The following NOTCH3 variants were observed in gnomAD, a reference collection of about 807,000 sequenced individuals.
The protein encoded by NOTCH3 is neurogenic locus notch homolog protein 3.
In NOTCH3, 86 loss-of-function variants were observed where a neutral mutation model predicts 213.3. The ratio of observed to expected loss-of-function variants is 0.40; its 90% CI spans 0.34 to 0.48. The LOEUF is 0.48. Ranked by LOEUF, NOTCH3 falls within the 20% of genes least tolerant of loss-of-function variation. NOTCH3 has a pLI of 0.57. For synonymous variants in NOTCH3, 1,354 were observed against 1,355.9 expected (o/e 1.00, Z 0.03); for missense variants, 2,783 against 3,272.6 (o/e 0.85, Z 3.65).
intron 1 of NOTCH3, among the ~76,000 whole-genome samples, chr19:15,200,068 C>A (rs1279599563): frequency 1.3e-5 from 2 of 150,336 alleles, no homozygotes; most frequent in African/African-American, 4.9e-5. Flanking sequence ...GGGCCCCTGG[C>A]CGGCTGGGGA....
chr19:15,170,345 G>A lies in NOTCH3; in HGVS notation c.5100C>T (p.Asp1700=), dbSNP rs776639004. 3.7e-6 allele frequency: 6 copies of A among 1,613,286 alleles called. No homozygotes were observed. The highest frequency in any genetic ancestry group is 4.5e-5 in the East Asian group (2 of 44,880). ...AGGGTTCTCACTTCATGCCCAGCGC[G>A]TCCTGGCCCACGGGTTCCCGCCGGC... is the stretch of plus-strand genomic sequence containing the variant. ...HKGRREPVGQ[D]ALGMKNMAKG... is the part of the protein sequence containing the mutation. The change falls in exon 27 of 33, where the codon GAC becomes GAT. Residue 1700 remains aspartate (D), a synonymous_variant. Transcript: ENST00000263388.
chr19:15,182,430 C>G (rs2046848500), intron 16 of NOTCH3, among the ~76,000 whole-genome samples: 1 of 151,650 alleles, frequency 6.6e-6, no homozygotes, highest in South Asian at 2.1e-4. Flanking sequence ...TCACTTGAGC[C>G]TGGGAGGTCA....
At chr19:15,195,876 C>T (rs1323373313) in intron 2 of NOTCH3, among the ~76,000 whole-genome samples, 2 of 151,680 alleles carry the variant, frequency 1.3e-5, no homozygotes, top group Admixed American at 1.3e-4. Context: ...AGCCCCAGCC[C>T]GCGCCCCGCC....
chr19:15,162,452 G>A lies in NOTCH3; in HGVS notation c.5913+13C>T, dbSNP rs780839292. 1 of 1,600,876 alleles carries A rather than the reference G, an allele frequency of 6.2e-7. No individual in the cohort carries two copies. Among genetic ancestry groups the A allele is most frequent in the African/African-American group, 1.3e-5 (1 of 74,630 alleles). ...CACTGCTGACACCCAGTGGACCAAG[G>A]GCTGGGGCTCACCTTGCTATCCTGC... On this transcript the variant is annotated intron_variant, in intron 32 of 32. Coordinates refer to ENST00000263388, the MANE Select transcript of NOTCH3 (RefSeq NM_000435.3).
intron 20 of NOTCH3, 39 bp from the exon 21 acceptor site, chr19:15,179,535 G>A (rs763675936): frequency 6.2e-7 from 1 of 1,611,150 alleles, no homozygotes; most frequent in Admixed American, 1.7e-5. Context: ...CAGCTTAGTG[G>A]GACACAGACC....
Position 15,192,134 on chromosome 19 carries a change from G to A in NOTCH3, c.505C>T (p.Arg169Cys), listed in dbSNP as rs28933696. The A allele has an allele frequency of 1.9e-6, 3 of 1,612,928 alleles. No homozygotes were observed. The highest frequency in any genetic ancestry group is 1.7e-6 in the Non-Finnish European group (2 of 1,179,976). The change falls in exon 4 of 33, where the codon CGC becomes TGC. Residue 169 changes from arginine to cysteine, a missense_variant. This residue lies in a region of NOTCH3 where 708 missense variants were observed against 906.6 expected (regional missense o/e 0.78). Transcript: ENST00000263388. Reference protein sequence around the residue: ...VDECRVGEPCRHGGTCLNTPG... With the variant: ...VDECRVGEPCCHGGTCLNTPG... ...GTGTTGAGGCAGGTGCCACCATGGCGGCAGGGCTCACCCACCCGGCACTCA... is the reference window on the plus strand; with the variant it reads ...GTGTTGAGGCAGGTGCCACCATGGCAGCAGGGCTCACCCACCCGGCACTCA...
Position 15,160,611 on chromosome 19 carries a change from G to T in NOTCH3, c.*51C>A. 1 of 1,323,362 alleles carries T rather than the reference G, an allele frequency of 7.6e-7. No individual in the cohort carries two copies. Among genetic ancestry groups the T allele is most frequent in the Non-Finnish European group, 1.1e-6 (1 of 914,630 alleles). The allele number at this position is 1,323,362 out of a possible 1,614,324, so 82.0% of individuals were successfully genotyped here. The stretch of plus-strand genomic sequence containing the variant: ...AGGAAGAGACAGAGAAAGAAAGGAG[G>T]CAGGACGGGGGTCTCTTTAGGCCCC... On this transcript the variant is annotated 3_prime_UTR_variant, in exon 33 of 33. Transcript: ENST00000263388.
chr19:15,198,823 A>G lies in NOTCH3; in HGVS notation c.119-1245T>C, dbSNP rs1313176832. On this transcript the variant is annotated intron_variant, in intron 1 of 32. Transcript: ENST00000263388. ...CTACTCGGGAGGCTGAGGCAGGAGA[A>G]TCGCTTGAACCTGGGAAGCGGAGGT... is the stretch of plus-strand genomic sequence containing the variant. 2.6e-5 allele frequency among the ~76,000 whole-genome samples: 4 copies of G among 152,126 alleles called. No individual in the cohort carries two copies. The East Asian group carries it at 7.7e-4, about 29-fold the overall frequency.
rs1372434604 is a variant in NOTCH3, at chr19:15,161,441, T to A, written c.6187A>T (p.Ser2063Cys). The A allele has an allele frequency of 6.5e-7, 1 of 1,548,082 alleles. No individual in the cohort carries two copies. The highest frequency in any genetic ancestry group is 8.7e-7 in the Non-Finnish European group (1 of 1,144,296). ...LKAAQSGSKK[S>C]RRPPGKAGLG... ...CCCGCCTTCCCGGGGGGCCTCCTGC[T>A]CTTCTTGGACCCCGACTGTGCCGCT... Residue 2063 changes from serine (S) to cysteine (C), a missense_variant, in exon 33 of 33, where the codon AGC (serine) becomes TGC (cysteine). Coordinates refer to ENST00000263388, the MANE Select transcript of NOTCH3 (RefSeq NM_000435.3).
chr19:15,191,353 T>A (rs915886514), intron 6 of NOTCH3, 71 bp downstream of exon 6: 7 of 1,330,318 alleles, frequency 5.3e-6, no homozygotes, highest in Non-Finnish European at 7.5e-6. Context: ...TTTCTAACAC[T>A]CAAGTCAGAC....
At position 15,181,604 on chromosome 19, in the gene NOTCH3, C is replaced by T. The variant is rs1379963173; in HGVS notation, c.2764G>A (p.Glu922Lys). Residue 922 changes from glutamate (E) to lysine (K), a missense_variant, in exon 17 of 33, where the codon GAA (glutamate) becomes AAA (lysine). Glu to Lys is a moderately conservative substitution (Grantham distance 56). Around this residue, in one of 6 missense-constraint regions of NOTCH3, gnomAD observed 861 missense variants for 909.1 expected, o/e 0.95. Coordinates refer to ENST00000263388, the MANE Select transcript of NOTCH3 (RefSeq NM_000435.3). ...CPPGYGGFHCEQDLPDCSPSS... is the reference protein window; with the variant it reads ...CPPGYGGFHCKQDLPDCSPSS... ...GGGCTGCAGTCGGGCAGGTCCTGTT[C>T]GCAGTGGAAGCCTCCGTAGCCTGGC... is the stretch of plus-strand genomic sequence containing the variant. 2 of 1,550,476 alleles carry T rather than the reference C, an allele frequency of 1.3e-6. No individual in the cohort carries two copies. Among genetic ancestry groups the T allele is most frequent in the African/African-American group, 1.4e-5 (1 of 73,052 alleles).
intron 26 of NOTCH3, 42 bp from the exon 27 acceptor site, chr19:15,170,595 G>T (rs970546191): frequency 6.3e-6 from 10 of 1,590,500 alleles, no homozygotes; most frequent in Non-Finnish European, 8.5e-6. Flanking sequence ...GCCGAGGGCG[G>T]GGCTTTGGCC....
rs142492710 is a variant in NOTCH3 at position 15,192,172 on chromosome 19, C to T, written c.467G>A (p.Arg156Gln). The T allele has an allele frequency of 5.0e-6, 8 of 1,612,612 alleles. No individual in the cohort carries two copies. Among genetic ancestry groups the T allele is most frequent in the East Asian group, 4.5e-5 (2 of 44,850 alleles). ...CACCCGGCACTCATCCACGTCGCTT[C>T]GGCAGCTGCGGCCCTGGTAGCCAGG... ...CPPGYQGRSC[R>Q]SDVDECRVGE... is the part of the protein sequence containing the mutation. The change falls in exon 4 of 33, where the codon CGA (arginine) becomes CAA (glutamine). Residue 156 changes from arginine (R) to glutamine (Q), a missense_variant. By Grantham distance (43) the Arg-to-Gln change is conservative. This residue lies in a region of NOTCH3 where 708 missense variants were observed against 906.6 expected (regional missense o/e 0.78). Transcript: ENST00000263388.
chr19:15,170,531 T>C lies in NOTCH3; in HGVS notation c.4914A>G (p.Glu1638=), dbSNP rs149222385. The C allele has an allele frequency of 7.1e-5, 115 of 1,609,882 alleles. No homozygotes were observed. Among genetic ancestry groups the C allele is most frequent in the Non-Finnish European group, 9.3e-5 (110 of 1,179,866 alleles). ...GCAGTGGCAGCAGCGGGACGCTGGG[T>C]TCTGGAGGCTCCAGCGGCTCCCCTA... ...DVRGEPLEPP[E]PSVPLLPLLV... The change falls in exon 27 of 33, where the codon GAA becomes GAG. Residue 1638 remains glutamate, a synonymous_variant. Transcript: ENST00000263388.
rs1294380458 is a variant in NOTCH3, at chr19:15,170,654, C to A, written c.4891+17G>T. 2 of 1,556,276 alleles carry A rather than the reference C, an allele frequency of 1.3e-6. No individual in the cohort carries two copies. Among genetic ancestry groups the A allele is most frequent in the East Asian group, 2.4e-5 (1 of 41,448 alleles). On this transcript the variant is annotated intron_variant, in intron 26 of 32. Coordinates refer to ENST00000263388, the MANE Select transcript of NOTCH3 (RefSeq NM_000435.3). ...CAGCTCCGCCCCCGCCACCCCCTCC[C>A]CAAGGCAGGGCCGCACCCCGCACGT...
rs202242263 is a variant in NOTCH3, at chr19:15,179,305, G to A, written c.3461-23C>T. On this transcript the variant is annotated intron_variant, in intron 21 of 32. Transcript: ENST00000263388. ...CCCCTGGGGGAAGAAACGAGGGGTG[G>A]TCAAGAGGGAATGAAGACAGCCTCT... 5 of 1,611,336 alleles carry A rather than the reference G, an allele frequency of 3.1e-6. No individual in the cohort carries two copies. The East Asian group carries it at 1.1e-4, about 36-fold the overall frequency.
chr19:15,195,093 G>A (rs909876793), intron 2 of NOTCH3, among the ~76,000 whole-genome samples: 2 of 152,080 alleles, frequency 1.3e-5, no homozygotes, highest in Non-Finnish European at 1.5e-5. Context: ...CCATGGCCTG[G>A]CCAGCACTCA....
rs1487606166 is a variant in NOTCH3 at position 15,173,109 on chromosome 19, T to C, written c.4736+959A>G. Among the ~76,000 whole-genome samples the C allele has an allele frequency of 2.9e-3, 92 of 31,378 alleles. 18 individuals carry two copies. Among genetic ancestry groups the C allele is most frequent in the African/African-American group, 4.2e-3 (12 of 2,874 alleles). 20.6% of individuals were successfully genotyped at this position (31,378 alleles called of 152,430 possible). A position where few individuals can be genotyped will look rare whatever the true frequency, so the allele number is the denominator to read the frequency against. ...TTCTTCTTCTTCTTCTTCTTCTTTT[T>C]TTTTTTTTTTTTTTTTTTTAAGAGA... On this transcript the variant is annotated intron_variant, in intron 25 of 32. Transcript: ENST00000263388.
rs767175703 is a variant in NOTCH3, at chr19:15,192,094, C to A, written c.545G>T (p.Arg182Leu). Residue 182 changes from arginine (R) to leucine (L), a missense_variant, in exon 4 of 33, where the codon CGC becomes CTC. Arg to Leu is a moderately radical substitution (Grantham distance 102). Coordinates refer to ENST00000263388, the MANE Select transcript of NOTCH3 (RefSeq NM_000435.3). Reference protein sequence around the residue: ...GTCLNTPGSFRCQCPAGYTGP... With the variant: ...GTCLNTPGSFLCQCPAGYTGP... Reference sequence around the variant, plus strand: ...TGTGTAGCCAGCTGGACACTGGCAGCGGAAGGAGCCAGGTGTGTTGAGGCA... The same window carrying A: ...TGTGTAGCCAGCTGGACACTGGCAGAGGAAGGAGCCAGGTGTGTTGAGGCA... 1 of 1,613,144 alleles carries A rather than the reference C, an allele frequency of 6.2e-7. No homozygotes were observed. The highest frequency in any genetic ancestry group is 1.1e-5 in the South Asian group (1 of 91,086).
Sources: allele counts gnomAD v4.1 joint callset (sites outside exome capture counted in the v4.1 genomes callset), GRCh38; gene constraint gnomAD v4.1.1; regional missense constraint gnomAD v4.1.1; transcripts MANE v1.5; gene names NCBI Gene and HGNC (gene_info 2026-07-23, HGNC 2026-07-21).